OAS2: variants seen among roughly 807,000 people sequenced by gnomAD.
The protein encoded by OAS2 is 2'-5'-oligoadenylate synthase 2.
Under a neutral mutation model 71.3 loss-of-function variants are expected in OAS2, and 67 were observed. That is an observed-to-expected ratio of 0.94 (90% confidence interval 0.77 to 1.15). The LOEUF (loss-of-function observed/expected upper bound fraction) is 1.15. Ranked by LOEUF, OAS2 falls within the 50% of genes most tolerant of loss-of-function variation. The pLI, the probability that OAS2 is intolerant of heterozygous loss-of-function variation, is 0.00. For synonymous variants in OAS2, 327 were observed against 321.8 expected, an observed-to-expected ratio of 1.02 and a Z score of -0.17; for missense variants, 789 against 822.5, an observed-to-expected ratio of 0.96 and a Z score of 0.50.
chr12:112,988,599 G>A, intron 2 of OAS2: 1 of 985,078 alleles, frequency 1.0e-6, no homozygotes, highest in Non-Finnish European at 1.2e-6. Flanking sequence ...ATGTAAGGAG[G>A]CAGCTTTAGG....
Position 113,005,236 on chromosome 12 carries a change from G to T in OAS2, c.1468+14G>T, listed in dbSNP as rs760574207. 3.7e-6 allele frequency: 6 copies of T among 1,604,802 alleles called. No individual in the cohort carries two copies. In the Admixed American group the frequency reaches 5.1e-5, roughly 14 times the overall value. Reference sequence around the variant, plus strand: ...TTAATGCACTGGGTAAGGCTCCCCAGACCTTAGCTTGGAAGTGATGGTGGA... The same window carrying T: ...TTAATGCACTGGGTAAGGCTCCCCATACCTTAGCTTGGAAGTGATGGTGGA... On this transcript the variant is annotated intron_variant, in intron 7 of 9. Transcript: ENST00000392583.
intron 2 of OAS2, among the ~76,000 whole-genome samples, chr12:112,988,975 G>A (rs924236405): frequency 6.6e-6 from 1 of 152,186 alleles, no homozygotes; most frequent in Non-Finnish European, 1.5e-5. Context: ...ATGTACCCAT[G>A]ACACAGCCTC....
intron 2 of OAS2, among the ~76,000 whole-genome samples, chr12:112,992,393 G>GAAAAAAA (rs57482640): frequency 1.0e-5 from 1 of 96,690 alleles, no homozygotes; most frequent in African/African-American, 4.2e-5. Context: ...CTTGTCAAAA[G>GAAAAAAA]AAAAAAAAAA....
Position 112,997,580 on chromosome 12 carries a change from G to A in OAS2, c.688G>A (p.Val230Met), listed in dbSNP as rs775523501. The A allele has an allele frequency of 6.2e-7, 1 of 1,614,118 alleles. No homozygotes were observed. Among genetic ancestry groups the A allele is most frequent in the Admixed American group, 1.7e-5 (1 of 60,020 alleles). ...LSPYALELLT[V>M]YAWEQGCRKD... ...TCCGTATGCCCTGGAGCTGCTTACGGTGTATGCCTGGGAACAGGGGTGCAG... is the reference window on the plus strand; with the variant it reads ...TCCGTATGCCCTGGAGCTGCTTACGATGTATGCCTGGGAACAGGGGTGCAG... The change falls in exon 4 of 10, where the codon GTG (valine) becomes ATG (methionine). Residue 230 changes from valine (V) to methionine (M), a missense_variant. By Grantham distance (21) the Val-to-Met change is conservative. Transcript: ENST00000392583.
Position 113,010,636 on chromosome 12 carries a change from G to T in OAS2, c.*1381G>T. On this transcript the variant is annotated 3_prime_UTR_variant, in exon 10 of 10. Transcript: ENST00000392583. Reference sequence around the variant, plus strand: ...ACTGCAAACCCTTTCATAAAGTCTTGCCTTGCTGAACTCCCTCTCTGCAGG... The same window carrying T: ...ACTGCAAACCCTTTCATAAAGTCTTTCCTTGCTGAACTCCCTCTCTGCAGG... 4 of 1,211,336 alleles carry T rather than the reference G, an allele frequency of 3.3e-6. No homozygotes were observed. Among genetic ancestry groups the T allele is most frequent in the Non-Finnish European group, 4.3e-6 (4 of 930,338 alleles). The allele number at this position is 1,211,336 out of a possible 1,614,324, so 75.0% of individuals were successfully genotyped here.
In OAS2 at chr12:113,003,027, T is replaced by A; in HGVS notation, c.1104T>A (p.Ser368Arg). 1 of 1,614,112 alleles carries A rather than the reference T, an allele frequency of 6.2e-7. No individual in the cohort carries two copies. The highest frequency in any genetic ancestry group is 8.5e-7 in the Non-Finnish European group (1 of 1,179,980). Residue 368 changes from serine (S) to arginine (R), a missense_variant, in exon 6 of 10, where the codon AGT becomes AGA. Physicochemically the swap from Ser to Arg is moderately radical, Grantham distance 110. Coordinates refer to ENST00000392583, the MANE Select transcript of OAS2 (RefSeq NM_002535.3). ...PNKCFLEQIDSAVNIIRTFLK... is the reference protein window; with the variant it reads ...PNKCFLEQIDRAVNIIRTFLK... Reference sequence around the variant, plus strand: ...AATGCTTCCTAGAGCAGATTGACAGTGCTGTTAACATCATCCGTACATTCC... The same window carrying A: ...AATGCTTCCTAGAGCAGATTGACAGAGCTGTTAACATCATCCGTACATTCC...
intron 3 of OAS2, 152 bp downstream of exon 3, chr12:112,995,626 CG>C: frequency 1.4e-6 from 1 of 729,990 alleles, no homozygotes; most frequent in Non-Finnish European, 2.2e-6. Flanking sequence ...GGGAACGTTT[CG>C]TGTACCCCAG....
intron 5 of OAS2, among the ~76,000 whole-genome samples, chr12:112,999,159 G>A (rs979261039): frequency 3.9e-5 from 6 of 152,216 alleles, no homozygotes; most frequent in South Asian, 2.1e-4. Flanking sequence ...GTTCAGGCAG[G>A]TGCCGGGGGC....
chr12:113,001,446 ATACATATATACACATAT>A (rs1438360047), intron 5 of OAS2, among the ~76,000 whole-genome samples: 6 of 73,648 alleles, frequency 8.1e-5, no homozygotes, highest in South Asian at 3.8e-4. Context: ...ATACACATAT[ATACATATATACACATAT>A]ATACATATAT....
At chr12:113,004,633 T>C (rs1467472448) in intron 6 of OAS2, among the ~76,000 whole-genome samples, 1 of 152,226 alleles carries the variant, frequency 6.6e-6, no homozygotes, top group African/African-American at 2.4e-5. Flanking sequence ...AAGCTAAATA[T>C]GTCTTTAGGA....
rs1218881170 is a variant in OAS2 at position 113,006,448 on chromosome 12, G to T, written c.1504G>T (p.Val502Phe). ...TTCTGGCTCCACACCCAGCCCCGAG[G>T]TTTATGCAGGGCTCATTGATCTGTA... ...LSSGSTPSPEVYAGLIDLYKS... is the reference protein window; with the variant it reads ...LSSGSTPSPEFYAGLIDLYKS... Residue 502 changes from valine (V) to phenylalanine (F), a missense_variant, in exon 8 of 10, where the codon GTT becomes TTT. Val to Phe is a conservative substitution (Grantham distance 50). Coordinates refer to ENST00000392583, the MANE Select transcript of OAS2 (RefSeq NM_002535.3). The T allele has an allele frequency of 6.3e-7, 1 of 1,585,086 alleles. No homozygotes were observed. Among genetic ancestry groups the T allele is most frequent in the Admixed American group, 1.7e-5 (1 of 59,570 alleles).
chr12:112,988,369 G>T, intron 2 of OAS2: 1 of 391,734 alleles, frequency 2.6e-6, no homozygotes, highest in Non-Finnish European at 3.5e-6. Context: ...TTTATGGACA[G>T]GAAAAGGAAA....
In OAS2 at chr12:113,005,043, A is replaced by G. The variant is rs767036256; in HGVS notation, c.1289A>G (p.Lys430Arg). 6.2e-7 allele frequency: 1 copy of G among 1,614,178 alleles called. No individual in the cohort carries two copies. The highest frequency in any genetic ancestry group is 8.5e-7 in the Non-Finnish European group (1 of 1,180,022). ...ACCTCCCAAAAAAACGAGCGGCACAAAATCGTCAAGGAAATCCATGAACAG... is the reference window on the plus strand; with the variant it reads ...ACCTCCCAAAAAAACGAGCGGCACAGAATCGTCAAGGAAATCCATGAACAG... ...SYTSQKNERH[K>R]IVKEIHEQLK... is the part of the protein sequence containing the mutation. The change falls in exon 7 of 10, where the codon AAA becomes AGA. Residue 430 changes from lysine to arginine, a missense_variant. Coordinates refer to ENST00000392583, the MANE Select transcript of OAS2 (RefSeq NM_002535.3).
Position 112,978,868 on chromosome 12 carries a change from C to G in OAS2, c.177+83C>G. ...AGGCCGAGCTACTGGGTGCTGGGTG[C>G]CTATTATGTGCGAGGCCCACACTTG... On this transcript the variant is annotated intron_variant, in intron 1 of 9. Transcript: ENST00000392583. The surrounding 1 kb of genome is among the most constrained non-coding windows in gnomAD (Gnocchi z 4.2). 1 of 1,370,034 alleles carries G rather than the reference C, an allele frequency of 7.3e-7. No individual in the cohort carries two copies. The allele number at this position is 1,370,034 out of a possible 1,614,324, so 84.9% of individuals were successfully genotyped here.
chr12:113,006,738 C>G (rs2240184), intron 8 of OAS2, 138 bp downstream of exon 8: 1 of 666,886 alleles, frequency 1.5e-6, no homozygotes, highest in Non-Finnish European at 2.4e-6. Context: ...ATCTTTACGA[C>G]GTTCCCATCA....
chr12:112,983,622 C>T (rs565630282), intron 1 of OAS2, among the ~76,000 whole-genome samples: 2 of 152,284 alleles, frequency 1.3e-5, no homozygotes, highest in Admixed American at 1.3e-4. Flanking sequence ...TCAAACTTTG[C>T]TGTATCCCTT....
rs959062842 is a variant in OAS2, at chr12:113,005,229, C to T, written c.1468+7C>T. 1 of 1,606,166 alleles carries T rather than the reference C, an allele frequency of 6.2e-7. No individual in the cohort carries two copies. ...CCTGCCTTTAATGCACTGGGTAAGG[C>T]TCCCCAGACCTTAGCTTGGAAGTGA... is the stretch of plus-strand genomic sequence containing the variant. On this transcript the variant is annotated splice_region_variant and intron_variant, in intron 7 of 9. Transcript: ENST00000392583.
chr12:112,995,200 C>T, intron 2 of OAS2, 96 bp from the exon 3 acceptor site: 1 of 1,093,812 alleles, frequency 9.1e-7, no homozygotes, highest in South Asian at 1.5e-5. Flanking sequence ...GAGTCGTGTG[C>T]TATCAAACTA....
At position 112,978,605 on chromosome 12, in the gene OAS2, A is replaced by C. The variant is rs1219340110; in HGVS notation, c.-4A>C. The C allele has an allele frequency of 6.2e-7, 1 of 1,613,678 alleles. No homozygotes were observed. Among genetic ancestry groups the C allele is most frequent in the East Asian group, 2.2e-5 (1 of 44,848 alleles). On this transcript the variant is annotated 5_prime_UTR_variant, in exon 1 of 10. Coordinates refer to ENST00000392583, the MANE Select transcript of OAS2 (RefSeq NM_002535.3). This position sits in a 1 kb window ranked among gnomAD's most constrained non-coding sequence, Gnocchi z 4.2. The stretch of plus-strand genomic sequence containing the variant: ...ACTGTCTTGCCGGCAGCCAGCTGAG[A>C]GCAATGGGAAATGGGGAGTCCCAGC...
Sources: allele counts gnomAD v4.1 joint callset (sites outside exome capture counted in the v4.1 genomes callset), GRCh38; gene constraint gnomAD v4.1.1; non-coding constraint Gnocchi (gnomAD v3.1); transcripts MANE v1.5; gene names NCBI Gene and HGNC (gene_info 2026-07-23, HGNC 2026-07-21).